CNTNAP5: variants seen among roughly 807,000 people sequenced by gnomAD.
CNTNAP5 encodes contactin associated protein family member 5.
In CNTNAP5, 72 loss-of-function variants were observed where a neutral mutation model predicts 150.2. That is an observed-to-expected ratio of 0.48 (90% confidence interval 0.40 to 0.58). CNTNAP5 has a LOEUF of 0.58. Among genes scored for constraint, CNTNAP5 ranks in the 20% least tolerant of loss-of-function variants. The pLI is 0.00. For missense variants in CNTNAP5, 1,636 were observed against 1,626.2 expected (o/e 1.01, Z -0.10); for synonymous variants, 672 against 619.8 (o/e 1.08, Z -1.25).
chr2:124,259,324 G>T (rs546835584), intron 3 of CNTNAP5, among the ~76,000 whole-genome samples: 43 of 152,212 alleles, frequency 2.8e-4, no homozygotes, highest in African/African-American at 1.0e-3. Flanking sequence ...ACATACATGT[G>T]CATGTGTCTT....
At chr2:124,247,413 G>A (rs1687056485) in intron 3 of CNTNAP5, among the ~76,000 whole-genome samples, 1 of 152,108 alleles carries the variant, frequency 6.6e-6, no homozygotes, top group Admixed American at 6.6e-5. Flanking sequence ...CAGTATATGT[G>A]TATATGGTAG....
intron 1 of CNTNAP5, among the ~76,000 whole-genome samples, chr2:124,051,071 G>A (rs978424950): frequency 6.6e-6 from 1 of 152,162 alleles, no homozygotes; most frequent in Non-Finnish European, 1.5e-5. Context: ...GATGGCTGAG[G>A]TGGGATAGGA....
At chr2:124,886,442 A>C (rs751876208) in intron 21 of CNTNAP5, among the ~76,000 whole-genome samples, 5 of 151,962 alleles carry the variant, frequency 3.3e-5, no homozygotes, top group Admixed American at 6.6e-5. Flanking sequence ...TGATCTTTGG[A>C]GTTTATTCTA....
At chr2:124,092,781 G>A (rs1682844549) in intron 1 of CNTNAP5, among the ~76,000 whole-genome samples, 1 of 152,166 alleles carries the variant, frequency 6.6e-6, no homozygotes, top group Non-Finnish European at 1.5e-5. Flanking sequence ...GCTTTTTAAT[G>A]TAATTTTCAC....
intron 19 of CNTNAP5, among the ~76,000 whole-genome samples, chr2:124,853,949 G>A (rs1400901403): frequency 6.6e-6 from 1 of 152,082 alleles, no homozygotes; most frequent in Admixed American, 6.6e-5. Flanking sequence ...AGGGATAATG[G>A]CTTCCAGCTC....
intron 8 of CNTNAP5, among the ~76,000 whole-genome samples, chr2:124,504,973 T>G (rs1448788082): frequency 6.6e-6 from 1 of 152,150 alleles, no homozygotes; most frequent in Non-Finnish European, 1.5e-5. Context: ...CTCACAGTGC[T>G]GGGATTACAG....
At chr2:124,150,137 G>T (rs113811153) in intron 1 of CNTNAP5, among the ~76,000 whole-genome samples, 1 of 152,086 alleles carries the variant, frequency 6.6e-6, no homozygotes, top group Non-Finnish European at 1.5e-5. Context: ...CTACAAGAGC[G>T]TGTGGATTTA....
chr2:124,272,090 C>G (rs1292827063), intron 3 of CNTNAP5, among the ~76,000 whole-genome samples: 54 of 152,124 alleles, frequency 3.5e-4, no homozygotes, highest in Non-Finnish European at 5.9e-5. Flanking sequence ...AGAAATTCCT[C>G]TTGGTATGGT....
At position 124,255,576 on chromosome 2, in the gene CNTNAP5, AAATAAAATAATAATT is replaced by A. The variant is rs1426045693; in HGVS notation, c.381+13184_381+13198del. Reference sequence around the variant, plus strand: ...AAATAAAATAAAATAAAATAAAATAAAATAAAATAATAATTTTTTTTTAAAAAGTAAATAAAAGCA... The same window carrying A: ...AAATAAAATAAAATAAAATAAAATAATTTTTTTAAAAAGTAAATAAAAGCA... On this transcript the variant is annotated intron_variant, in intron 3 of 23. Coordinates refer to ENST00000682447, the MANE Select transcript of CNTNAP5 (RefSeq NM_001367498.1). 3.3e-3 allele frequency among the ~76,000 whole-genome samples: 165 copies of A among 50,172 alleles called. 2 individuals carry two copies. Among genetic ancestry groups the A allele is most frequent in the Non-Finnish European group, 1.7e-3 (41 of 24,244 alleles). 32.9% of individuals were successfully genotyped at this position (50,172 alleles called of 152,430 possible).
At chr2:124,519,291 T>C (rs1694802381) in intron 8 of CNTNAP5, among the ~76,000 whole-genome samples, 1 of 151,992 alleles carries the variant, frequency 6.6e-6, no homozygotes, top group Non-Finnish European at 1.5e-5. Flanking sequence ...TAACTCTGAA[T>C]CTATTAAAAA....
intron 19 of CNTNAP5, among the ~76,000 whole-genome samples, chr2:124,840,929 C>T (rs1348453766): frequency 6.6e-6 from 1 of 152,086 alleles, no homozygotes; most frequent in African/African-American, 2.4e-5. Flanking sequence ...GACCAAGTTA[C>T]ATCATTGACA....
chr2:124,062,285 T>G (rs951593425), intron 1 of CNTNAP5, among the ~76,000 whole-genome samples: 25 of 152,284 alleles, frequency 1.6e-4, no homozygotes, highest in African/African-American at 5.8e-4. Context: ...CCTTGCTACC[T>G]CTCTCCTCCC....
chr2:124,208,780 A>G (rs1449303332), intron 1 of CNTNAP5, among the ~76,000 whole-genome samples: 3 of 152,238 alleles, frequency 2.0e-5, no homozygotes, highest in African/African-American at 4.8e-5. Flanking sequence ...CTCGTGTTAC[A>G]ACAATAGGAT....
At chr2:124,911,029 T>G (rs556006059) in intron 22 of CNTNAP5, among the ~76,000 whole-genome samples, 1 of 152,098 alleles carries the variant, frequency 6.6e-6, no homozygotes, top group African/African-American at 2.4e-5. Flanking sequence ...CAGTGAGGCC[T>G]GCTCCTGAAG....
At chr2:124,675,301 G>A (rs1678915623) in intron 13 of CNTNAP5, among the ~76,000 whole-genome samples, 4 of 152,050 alleles carry the variant, frequency 2.6e-5, no homozygotes, top group African/African-American at 4.8e-5. Context: ...ATGCTTGCAT[G>A]GTGTATCTTT....
intron 3 of CNTNAP5, among the ~76,000 whole-genome samples, chr2:124,374,267 T>C (rs548432379): frequency 6.6e-6 from 1 of 152,282 alleles, no homozygotes; most frequent in South Asian, 2.1e-4. Context: ...GAACATGTTC[T>C]GACAAAAACC....
chr2:124,362,198 C>T lies in CNTNAP5; in HGVS notation c.382-55245C>T, dbSNP rs148617093. Among the ~76,000 whole-genome samples, 259 of 152,338 alleles carry T rather than the reference C, an allele frequency of 1.7e-3. 1 individual carries two copies. Among genetic ancestry groups the T allele is most frequent in the African/African-American group, 5.6e-3 (231 of 41,590 alleles). ...CATGGTGCGCGAACCCGCTGACCTG[C>T]GCCCACTGTCTGGCACTCCCTAGTG... On this transcript the variant is annotated intron_variant, in intron 3 of 23. Coordinates refer to ENST00000682447, the MANE Select transcript of CNTNAP5 (RefSeq NM_001367498.1).
At chr2:124,489,277 G>A (rs1693964588) in intron 7 of CNTNAP5, among the ~76,000 whole-genome samples, 1 of 152,122 alleles carries the variant, frequency 6.6e-6, no homozygotes, top group African/African-American at 2.4e-5. Flanking sequence ...TCTGGAAGCT[G>A]GAAGTCCAAC....
chr2:124,687,562 A>C (rs978056984), intron 13 of CNTNAP5, among the ~76,000 whole-genome samples: 1 of 151,512 alleles, frequency 6.6e-6, no homozygotes, highest in Non-Finnish European at 1.5e-5. Flanking sequence ...GTGCTTGGAG[A>C]ATATTGATGT....
Sources: gnomAD v4.1 joint callset for allele counts (sites outside exome capture counted in the v4.1 genomes callset) on GRCh38, gnomAD v4.1.1 for gene constraint, MANE v1.5 for transcripts, NCBI Gene and HGNC (gene_info 2026-07-23, HGNC 2026-07-21) for gene names.